Variants in CLASRP observed in about 807,000 individuals in gnomAD.
CLASRP encodes the protein CLK4 associating serine/arginine rich protein.
In CLASRP, 52 loss-of-function variants were observed where a neutral mutation model predicts 99.9. The observed-to-expected ratio is 0.52, with a 90% CI of 0.42 to 0.66. The LOEUF (loss-of-function observed/expected upper bound fraction) is 0.66, where lower values mean the gene tolerates loss of function less well. CLASRP is among the 30% of genes least tolerant of loss of function. The pLI is 0.00. For synonymous variants in CLASRP, 379 were observed against 373.0 expected, an observed-to-expected ratio of 1.02 and a Z score of -0.18; for missense variants, 848 against 999.2, an observed-to-expected ratio of 0.85 and a Z score of 2.04.
In CLASRP at chr19:45,042,492, T is replaced by TC. The variant is rs560090478; in HGVS notation, c.99+2183dup. Among the ~76,000 whole-genome samples, 422 of 150,968 alleles carry TC rather than the reference T, an allele frequency of 2.8e-3. 2 individuals are homozygous for TC. The highest frequency in any genetic ancestry group is 9.5e-3 in the African/African-American group (391 of 41,058). ...TCCAGCCTGGGCAACAGAGTGAGAC[T>TC]CCATCTCAAAAAAAAAATTTATATA... On this transcript the variant is annotated intron_variant, in intron 2 of 20. Transcript: ENST00000221455.
Position 45,064,634 on chromosome 19 carries a change from T to A in CLASRP, c.1409+4T>A, listed in dbSNP as rs1296773930. The A allele has an allele frequency of 6.5e-7, 1 of 1,545,458 alleles. No homozygotes were observed. Among genetic ancestry groups the A allele is most frequent in the Non-Finnish European group, 8.7e-7 (1 of 1,151,262 alleles). On this transcript the variant is annotated splice_donor_region_variant and intron_variant, in intron 13 of 20. Transcript: ENST00000221455. ...ACGGGCCCCGGCGCAGAAGCAGGTG[T>A]GTGTGGCTGGGCGTGGAGGTGGGAG...
At chr19:45,047,028 CA>C (rs573512481) in intron 2 of CLASRP, among the ~76,000 whole-genome samples, 23 of 145,450 alleles carry the variant, frequency 1.6e-4, no homozygotes, top group African/African-American at 4.3e-4. Context: ...ACTCTGTCTC[CA>C]AAAAAAAAAG....
At chr19:45,043,362 A>G (rs11083756) in intron 2 of CLASRP, among the ~76,000 whole-genome samples, 66,181 of 143,186 alleles carry the variant, frequency 0.46, 15,584 homozygotes, top group Non-Finnish European at 0.52. Context: ...CAGTGAGCCG[A>G]GATAGTGCCA....
chr19:45,047,390 T>C, intron 2 of CLASRP: 1 of 121,588 alleles, frequency 8.2e-6, no homozygotes, highest in Non-Finnish European at 1.6e-5. Context: ...CCAGCCTGGG[T>C]GACAGAGCAA....
At chr19:45,056,620 C>A in intron 6 of CLASRP, 86 bp downstream of exon 6, 1 of 1,039,490 alleles carries the variant, frequency 9.6e-7, no homozygotes, top group Non-Finnish European at 1.5e-6. Context: ...ATCCTGTCCA[C>A]CAGGGTCTCC....
chr19:45,069,027 A>G (rs1967168750), intron 16 of CLASRP, 39 bp from the exon 17 acceptor site: 1 of 1,574,436 alleles, frequency 6.4e-7, no homozygotes, highest in African/African-American at 1.4e-5. Context: ...TGGGGCTCTT[A>G]AGGGAACCCC....
intron 2 of CLASRP, among the ~76,000 whole-genome samples, chr19:45,051,092 T>C (rs946887279): frequency 2.0e-5 from 3 of 152,046 alleles, no homozygotes; most frequent in African/African-American, 7.2e-5. Flanking sequence ...GTGGTTCTGA[T>C]TGGCATTTCC....
intron 2 of CLASRP, among the ~76,000 whole-genome samples, chr19:45,041,144 C>T (rs1398326853): frequency 6.8e-6 from 1 of 146,688 alleles, no homozygotes; most frequent in Non-Finnish European, 1.5e-5. Context: ...TGGTGTGAAC[C>T]GGGGAGGGGG....
intron 1 of CLASRP, among the ~76,000 whole-genome samples, 196 bp downstream of exon 1, chr19:45,039,304 C>T (rs372683600): frequency 6.6e-6 from 1 of 151,980 alleles, no homozygotes; most frequent in African/African-American, 2.4e-5. Context: ...GAAGTTGCCG[C>T]GTCGAACTCG....
intron 2 of CLASRP, chr19:45,047,394 A>G (rs1447198245): frequency 1.4e-5 from 2 of 142,164 alleles, no homozygotes; most frequent in African/African-American, 5.3e-5. Flanking sequence ...CCTGGGTGAC[A>G]GAGCAAGACT....
Position 45,052,033 on chromosome 19 carries a change from C to G in CLASRP, c.100-38C>G, listed in dbSNP as rs759514671. On this transcript the variant is annotated intron_variant, in intron 2 of 20. Transcript: ENST00000221455. ...GTGTGAGGGGGTGGGGTTTGGAGCT[C>G]TGTTGGGTGGTGACCTCAGTCCTGT... 4 of 1,551,982 alleles carry G rather than the reference C, an allele frequency of 2.6e-6. No individual in the cohort carries two copies. In the South Asian group the frequency reaches 4.5e-5, roughly 17 times the overall value.
intron 13 of CLASRP, among the ~76,000 whole-genome samples, chr19:45,065,537 G>A (rs7256279): frequency 0.45 from 67,704 of 150,540 alleles, 15,626 homozygotes; most frequent in Non-Finnish European, 0.51. Flanking sequence ...CCCCAGCTTG[G>A]GCTACAGAGT....
At chr19:45,062,672 C>G (rs1336278625) in intron 11 of CLASRP, among the ~76,000 whole-genome samples, 1 of 152,240 alleles carries the variant, frequency 6.6e-6, no homozygotes, top group Non-Finnish European at 1.5e-5. Context: ...TGAGCCACCA[C>G]GCCCGGCCAA....
rs1966923723 is a variant in CLASRP, at chr19:45,060,848, G to A, written c.863+221G>A. ...CCCCTCCCCTCACCCTACTGGACTGGGGGCCCTTGCCAGACTCCCAGGAGC... is the reference window on the plus strand; with the variant it reads ...CCCCTCCCCTCACCCTACTGGACTGAGGGCCCTTGCCAGACTCCCAGGAGC... On this transcript the variant is annotated intron_variant, in intron 10 of 20. Coordinates refer to ENST00000221455, the MANE Select transcript of CLASRP (RefSeq NM_007056.3). The surrounding 1 kb of genome is among the most constrained non-coding windows in gnomAD (Gnocchi z 4.6). 6.6e-6 allele frequency among the ~76,000 whole-genome samples: 1 copy of A among 152,214 alleles called. No individual in the cohort carries two copies. The highest frequency in any genetic ancestry group is 1.5e-5 in the Non-Finnish European group (1 of 68,032).
chr19:45,049,955 C>G (rs1971990240), intron 2 of CLASRP, among the ~76,000 whole-genome samples: 1 of 152,098 alleles, frequency 6.6e-6, no homozygotes, highest in Non-Finnish European at 1.5e-5. Context: ...AATAAAGCCA[C>G]AGAGTGAAGG....
At position 45,064,190 on chromosome 19, in the gene CLASRP, C is replaced by T. The variant is rs1187072571; in HGVS notation, c.1084C>T (p.Pro362Ser). 2 of 1,604,930 alleles carry T rather than the reference C, an allele frequency of 1.2e-6. No individual in the cohort carries two copies. Among genetic ancestry groups the T allele is most frequent in the Admixed American group, 3.4e-5 (2 of 58,734 alleles). Residue 362 changes from proline to serine, a missense_variant, in exon 12 of 21, where the codon CCT (proline) becomes TCT (serine). Coordinates refer to ENST00000221455, the MANE Select transcript of CLASRP (RefSeq NM_007056.3). ...AGGGAAGCCCCCCGCACCTCCCCAG[C>T]CTGGCGGCCCCGCCCCGGGACGTAA... Reference protein sequence around the residue: ...TTGKPPAPPQPGGPAPGRNAS... With the variant: ...TTGKPPAPPQSGGPAPGRNAS...
intron 2 of CLASRP, among the ~76,000 whole-genome samples, chr19:45,049,978 T>A (rs1420556258): frequency 6.6e-6 from 1 of 151,994 alleles, no homozygotes; most frequent in African/African-American, 2.4e-5. Context: ...CTGGGGTAGA[T>A]AAGTGGGGAG....
chr19:45,067,882 A>G lies in CLASRP; in HGVS notation c.1668-133A>G, dbSNP rs1967129634. 1.4e-6 allele frequency: 1 copy of G among 732,802 alleles called. No homozygotes were observed. The highest frequency in any genetic ancestry group is 2.1e-5 in the Admixed American group (1 of 47,194). 45.4% of individuals were successfully genotyped at this position (732,802 alleles called of 1,614,324 possible). On this transcript the variant is annotated intron_variant, in intron 14 of 20. Coordinates refer to ENST00000221455, the MANE Select transcript of CLASRP (RefSeq NM_007056.3). This position sits in a 1 kb window ranked among gnomAD's most constrained non-coding sequence, Gnocchi z 4.9. ...AGGTTCTGTGGGGTCTGAGAGGGAC[A>G]TGGTTGCACCCTGGGGCATCTGAGG... is the stretch of plus-strand genomic sequence containing the variant.
At chr19:45,063,691 C>T (rs925438598) in intron 11 of CLASRP, among the ~76,000 whole-genome samples, 1 of 151,934 alleles carries the variant, frequency 6.6e-6, no homozygotes, top group African/African-American at 2.4e-5. Context: ...CTCAAGTGAT[C>T]GGCCTGCCTC....
Sources: gnomAD v4.1 joint callset for allele counts (sites outside exome capture counted in the v4.1 genomes callset) on GRCh38, gnomAD v4.1.1 for gene constraint, Gnocchi (gnomAD v3.1) non-coding constraint, MANE v1.5 for transcripts, NCBI Gene and HGNC (gene_info 2026-07-23, HGNC 2026-07-21) for gene names.